PRKAG3: variants seen among roughly 807,000 people sequenced by gnomAD.
PRKAG3 encodes protein kinase AMP-activated non-catalytic subunit gamma 3.
PRKAG3 carries 39 observed loss-of-function variants against 56.5 expected under a neutral mutation model. The observed-to-expected ratio is 0.69, with a 90% confidence interval of 0.53 to 0.90. PRKAG3 has a LOEUF of 0.90. Ranked by LOEUF, PRKAG3 falls within the 40% of genes least tolerant of loss-of-function variation. The pLI is 0.00. For missense variants in PRKAG3, 628 were observed against 627.5 expected, an observed-to-expected ratio of 1.00 and a Z score of -0.01; for synonymous variants, 243 against 250.1, an observed-to-expected ratio of 0.97 and a Z score of 0.27.
exon 4 of PRKAG3, chr2:218,830,329 G>A (rs1275485720): frequency 1.2e-6 from 2 of 1,610,638 alleles, no homozygotes; most frequent in East Asian, 2.2e-5. Context: ...GTGTGGTCTT[G>A]GGGAATGTGG....
At chr2:218,829,887 G>C in intron 4 of PRKAG3, 91 bp downstream of exon 4, 1 of 1,524,654 alleles carries the variant, frequency 6.6e-7, no homozygotes, top group Non-Finnish European at 8.9e-7. Context: ...GGGGCACCTG[G>C]CTCAGCAGGG....
chr2:218,822,344 AAAGAG>A (rs1943859120), downstream of PRKAG3: 1 of 152,236 alleles, frequency 6.6e-6, no homozygotes, highest in Non-Finnish European at 1.5e-5. Flanking sequence ...TTTGTAAAGA[AAAGAG>A]AAGAAAGAAA....
chr2:218,830,409 A>G (rs1301792660), intron 3 of PRKAG3, 28 bp from the exon 4 acceptor site: 3 of 1,594,834 alleles, frequency 1.9e-6, no homozygotes, highest in Non-Finnish European at 2.6e-6. Flanking sequence ...GGAAGAGGAC[A>G]GTAACTCCAT....
chr2:218,825,968 C>G (rs1262042586), intron 10 of PRKAG3, among the ~76,000 whole-genome samples: 1 of 151,882 alleles, frequency 6.6e-6, no homozygotes, highest in Non-Finnish European at 1.5e-5. Flanking sequence ...ATCATATTGG[C>G]CAGGATAGTC....
At chr2:218,824,558 T>C (rs1435069970) in exon 11 of PRKAG3, 1 of 1,612,626 alleles carries the variant, frequency 6.2e-7, no homozygotes, top group African/African-American at 1.3e-5. Context: ...AAAGCGGGAA[T>C]AGAGGCCCAC....
chr2:218,831,680 T>G, intron 1 of PRKAG3, 58 bp downstream of exon 1: 1 of 1,584,868 alleles, frequency 6.3e-7, no homozygotes, highest in South Asian at 1.1e-5. Context: ...TCACAGCCCG[T>G]GCGCTCAATC....
intron 5 of PRKAG3, 66 bp from the exon 6 acceptor site, chr2:218,828,128 A>T (rs1206817629): frequency 7.2e-7 from 1 of 1,390,190 alleles, no homozygotes; most frequent in Non-Finnish European, 1.0e-6. Context: ...TGAGGGTCAG[A>T]TCCCCTCCCC....
rs1488378147 is a variant in PRKAG3 at position 218,830,394 on chromosome 2, G to A, written c.230-13C>T. ...CTGGACCGGGGACCTGTTTGGGGGA[G>A]GAGGGGAAGAGGACAGTAACTCCAT... On this transcript the variant is annotated splice_polypyrimidine_tract_variant and intron_variant, in intron 3 of 12. Transcript: ENST00000529249. 1.9e-6 allele frequency: 3 copies of A among 1,603,860 alleles called. No individual in the cohort carries two copies. The highest frequency in any genetic ancestry group is 3.3e-4 in the Middle Eastern group (2 of 6,052).
exon 11 of PRKAG3, chr2:218,824,569 G>A (rs751741600): frequency 1.1e-5 from 18 of 1,611,942 alleles, no homozygotes; most frequent in Admixed American, 6.7e-5. Flanking sequence ...AGAGGCCCAC[G>A]ACCTGACCTG....
chr2:218,830,806 C>A, exon 3 of PRKAG3: 1 of 1,613,476 alleles, frequency 6.2e-7, no homozygotes, highest in Non-Finnish European at 8.5e-7. Flanking sequence ...CATCTCAAGG[C>A]TTTGGCCCTC....
chr2:218,829,431 C>T (rs1005375042), intron 4 of PRKAG3, among the ~76,000 whole-genome samples: 4 of 152,102 alleles, frequency 2.6e-5, no homozygotes, highest in Non-Finnish European at 4.4e-5. Flanking sequence ...AGTGATTCGC[C>T]TACCTCAGCC....
At chr2:218,824,277 G>A (rs781302967) in exon 12 of PRKAG3, 23 of 1,614,036 alleles carry the variant, frequency 1.4e-5, no homozygotes, top group Non-Finnish European at 1.9e-5. Context: ...GGGCTGGCAG[G>A]AAAGGACTCC....
Position 218,828,508 on chromosome 2 carries a change from C to T in PRKAG3, c.715+11G>A. On this transcript the variant is annotated intron_variant, in intron 5 of 12. Coordinates refer to ENST00000529249, the Ensembl canonical transcript of PRKAG3. ...CCTCCATCTCCCTTCACCTCCCCAG[C>T]CTCTCCTCACCCACAAAGCTCTGCT... 6.2e-7 allele frequency: 1 copy of T among 1,611,212 alleles called. No homozygotes were observed.
At chr2:218,823,007 G>A, downstream of PRKAG3, 1 of 984,736 alleles carries the variant, frequency 1.0e-6, no homozygotes. Flanking sequence ...ATCCCATGGT[G>A]CACTGGGCAT....
exon 5 of PRKAG3, chr2:218,828,568 G>T: frequency 6.2e-7 from 1 of 1,613,622 alleles, no homozygotes; most frequent in Non-Finnish European, 8.5e-7. Flanking sequence ...CCCGCACACC[G>T]TTGGCCACCA....
At chr2:218,823,502 G>C in exon 13 of PRKAG3, 2 of 541,040 alleles carry the variant, frequency 3.7e-6, no homozygotes, top group Non-Finnish European at 6.3e-6. Context: ...ACAAAGTGGG[G>C]ACCTGTGAGT....
Position 218,827,471 on chromosome 2 carries a change from G to C in PRKAG3, c.876-98C>G. 1 of 1,603,112 alleles carries C rather than the reference G, an allele frequency of 6.2e-7. No homozygotes were observed. Among genetic ancestry groups the C allele is most frequent in the Non-Finnish European group, 8.5e-7 (1 of 1,170,448 alleles). ...GAGGGCAGGGCACCAAGGCTCCCTT[G>C]TCTGTGTGCCGCCTAGGATGAAGAG... On this transcript the variant is annotated intron_variant, in intron 8 of 12. Transcript: ENST00000529249. The surrounding 1 kb of genome is among the most constrained non-coding windows in gnomAD (Gnocchi z 5.3).
chr2:218,829,696 G>A (rs941805442), intron 4 of PRKAG3, among the ~76,000 whole-genome samples: 1 of 152,128 alleles, frequency 6.6e-6, no homozygotes, highest in Non-Finnish European at 1.5e-5. Context: ...GAACTATGTA[G>A]GGTGCAGCAG....
chr2:218,828,198 C>G lies in PRKAG3; in HGVS notation c.716-136G>C, dbSNP rs1320677096. On this transcript the variant is annotated intron_variant, in intron 5 of 12. Coordinates refer to ENST00000529249, the Ensembl canonical transcript of PRKAG3. The stretch of plus-strand genomic sequence containing the variant: ...GGACTGTGGGAACAGGACAGTGGGG[C>G]AGCCCCCCAGGCCTGAGAAGTGGGG... 7.8e-6 allele frequency: 7 copies of G among 892,286 alleles called. No homozygotes were observed. In the South Asian group the frequency reaches 1.2e-4, roughly 15 times the overall value. 55.3% of individuals were successfully genotyped at this position (892,286 alleles called of 1,614,324 possible).
Sources: gnomAD v4.1 joint callset for allele counts (sites outside exome capture counted in the v4.1 genomes callset) on GRCh38, gnomAD v4.1.1 for gene constraint, Gnocchi (gnomAD v3.1) non-coding constraint, MANE v1.5 for transcripts, NCBI Gene and HGNC (gene_info 2026-07-23, HGNC 2026-07-21) for gene names.